The following ERBB4 variants were observed in gnomAD, a reference collection of about 807,000 sequenced individuals.
ERBB4 encodes erb-b2 receptor tyrosine kinase 4.
In ERBB4, 42 loss-of-function variants were observed where a neutral mutation model predicts 158.0. The observed-to-expected ratio is 0.27, with a 90% CI of 0.21 to 0.34. ERBB4 has a LOEUF of 0.34. Among genes scored for constraint, ERBB4 ranks in the 10% least tolerant of loss-of-function variants. The pLI, the probability that ERBB4 is intolerant of heterozygous loss-of-function variation, is 1.00. For synonymous variants in ERBB4, 583 were observed against 558.7 expected (o/e 1.04, Z -0.61); for missense variants, 1,333 against 1,624.1 (o/e 0.82, Z 3.08).
At chr2:212,212,260 T>C (rs1457305654) in intron 1 of ERBB4, among the ~76,000 whole-genome samples, 1 of 151,770 alleles carries the variant, frequency 6.6e-6, no homozygotes, top group Non-Finnish European at 1.5e-5. Flanking sequence ...TTATTCTAAC[T>C]GGCATGAGAT....
intron 1 of ERBB4, among the ~76,000 whole-genome samples, chr2:212,219,574 G>A (rs1423073486): frequency 1.3e-5 from 2 of 150,956 alleles, no homozygotes; most frequent in Non-Finnish European, 3.0e-5. Context: ...CAGAATGGGG[G>A]GAAAAATAAA....
chr2:212,054,857 ACAGCTCCCAG>A (rs2077505653), intron 2 of ERBB4, among the ~76,000 whole-genome samples: 1 of 152,216 alleles, frequency 6.6e-6, no homozygotes, highest in South Asian at 2.1e-4. Flanking sequence ...GCTTGAGTCT[ACAGCTCCCAG>A]CGTGAGCAAT....
chr2:211,384,646 A>G (rs2125313502), intron 27 of ERBB4, among the ~76,000 whole-genome samples: 1 of 152,236 alleles, frequency 6.6e-6, no homozygotes, highest in South Asian at 2.1e-4. Flanking sequence ...AAAAAAATTC[A>G]ACTAAAAAAG....
chr2:211,582,473 A>G (rs770910605), intron 19 of ERBB4, among the ~76,000 whole-genome samples: 4 of 152,236 alleles, frequency 2.6e-5, no homozygotes, highest in Non-Finnish European at 5.9e-5. Context: ...AACCAGGACT[A>G]GAAGACTAAA....
At chr2:211,983,347 A>C (rs905005514) in intron 2 of ERBB4, among the ~76,000 whole-genome samples, 2 of 152,218 alleles carry the variant, frequency 1.3e-5, no homozygotes, top group African/African-American at 4.8e-5. Context: ...GTTGACTCTC[A>C]CATTTCCAGA....
chr2:212,233,829 G>T (rs1269693353), intron 1 of ERBB4, among the ~76,000 whole-genome samples: 2 of 151,814 alleles, frequency 1.3e-5, no homozygotes, highest in Non-Finnish European at 2.9e-5. Context: ...ACACTTTTGT[G>T]CATGTATTTA....
chr2:211,974,513 C>T (rs1188357305), intron 2 of ERBB4, among the ~76,000 whole-genome samples: 2 of 152,202 alleles, frequency 1.3e-5, no homozygotes, highest in Admixed American at 6.5e-5. Flanking sequence ...TCCAAACCTT[C>T]TTAGTCTTTC....
At chr2:212,422,229 G>C (rs2091808816) in intron 1 of ERBB4, among the ~76,000 whole-genome samples, 1 of 152,158 alleles carries the variant, frequency 6.6e-6, no homozygotes, top group South Asian at 2.1e-4. Flanking sequence ...GGGAAGCCTG[G>C]GAGCAGTGGT....
At chr2:212,400,181 C>T (rs1485417746) in intron 1 of ERBB4, among the ~76,000 whole-genome samples, 1 of 152,180 alleles carries the variant, frequency 6.6e-6, no homozygotes, top group East Asian at 1.9e-4. Context: ...AATAGGAAAC[C>T]TTTGAAAGAT....
At chr2:212,209,933 C>T (rs2082880394) in intron 1 of ERBB4, among the ~76,000 whole-genome samples, 1 of 151,992 alleles carries the variant, frequency 6.6e-6, no homozygotes, top group South Asian at 2.1e-4. Context: ...TTGTCACTTG[C>T]TTGACTGACC....
chr2:211,916,593 C>T (rs1297179854), intron 3 of ERBB4, among the ~76,000 whole-genome samples: 4 of 152,080 alleles, frequency 2.6e-5, no homozygotes, highest in Non-Finnish European at 5.9e-5. Flanking sequence ...TAATCATGGA[C>T]TGGAAAAATA....
At chr2:212,005,997 C>G (rs996453948) in intron 2 of ERBB4, among the ~76,000 whole-genome samples, 1 of 86,764 alleles carries the variant, frequency 1.2e-5, no homozygotes, top group Non-Finnish European at 2.6e-5. Context: ...AAAACTATGG[C>G]CTGCCACTGA....
At chr2:212,411,619 T>C (rs2091503188) in intron 1 of ERBB4, among the ~76,000 whole-genome samples, 1 of 152,106 alleles carries the variant, frequency 6.6e-6, no homozygotes, top group Non-Finnish European at 1.5e-5. Flanking sequence ...AAAAGTTACT[T>C]GATTGGTGAG....
intron 20 of ERBB4, among the ~76,000 whole-genome samples, chr2:211,474,801 T>G (rs991047187): frequency 1.7e-4 from 26 of 151,942 alleles, no homozygotes; most frequent in Admixed American, 1.6e-3. Flanking sequence ...CTAGAGTGAA[T>G]GAGAAGGGAA....
intron 2 of ERBB4, among the ~76,000 whole-genome samples, chr2:211,991,638 T>C (rs17415079): frequency 0.088 from 13,323 of 152,182 alleles, 775 homozygotes; most frequent in Non-Finnish European, 0.13. Context: ...AGAACGACTA[T>C]TGTAAAAATG....
chr2:212,049,549 A>G lies in ERBB4; in HGVS notation c.234+75203T>C, dbSNP rs376283598. On this transcript the variant is annotated intron_variant, in intron 2 of 27. Transcript: ENST00000342788. The stretch of plus-strand genomic sequence containing the variant: ...GCTATAAACTACGTTATGACAGTGT[A>G]TGATGAAATTAAGCTATCCTTTTTG... 3.9e-5 allele frequency among the ~76,000 whole-genome samples: 6 copies of G among 152,310 alleles called. No homozygotes were observed. The East Asian group carries it at 9.6e-4, about 24-fold the overall frequency.
intron 1 of ERBB4, among the ~76,000 whole-genome samples, chr2:212,331,861 T>A (rs1261349088): frequency 6.6e-6 from 1 of 152,048 alleles, no homozygotes. Context: ...AATAACAGAA[T>A]CTTAAACCAA....
intron 12 of ERBB4, among the ~76,000 whole-genome samples, chr2:211,687,749 C>A (rs2072624249): frequency 6.6e-6 from 1 of 152,014 alleles, no homozygotes; most frequent in African/African-American, 2.4e-5. Flanking sequence ...ATATATGCAG[C>A]AAAAAGAAAA....
chr2:211,426,982 T>C (rs2063642662), intron 22 of ERBB4, among the ~76,000 whole-genome samples: 1 of 152,034 alleles, frequency 6.6e-6, no homozygotes, highest in Non-Finnish European at 1.5e-5. Flanking sequence ...GCAAGTAAGT[T>C]TTGTCAAGCA....
Sources: allele counts gnomAD v4.1 joint callset (sites outside exome capture counted in the v4.1 genomes callset), GRCh38; gene constraint gnomAD v4.1.1; transcripts MANE v1.5; gene names NCBI Gene and HGNC (gene_info 2026-07-23, HGNC 2026-07-21).